Variants in TAOK3 observed in about 807,000 individuals in gnomAD.
TAOK3 encodes the protein TAO kinase 3, also known as serine/threonine-protein kinase TAO3.
Under a neutral mutation model 120.4 loss-of-function variants are expected in TAOK3, and 40 were observed. The observed-to-expected ratio is 0.33, with a 90% CI of 0.26 to 0.43. The LOEUF is 0.43. TAOK3 is among the 20% of genes least tolerant of loss of function. The probability of loss-of-function intolerance (pLI) is 1.00; values close to 1 mark genes in which losing one functional copy is unlikely to be tolerated. For missense variants in TAOK3, 821 were observed against 1,112.1 expected (o/e 0.74, Z 3.72); for synonymous variants, 355 against 387.5 (o/e 0.92, Z 0.99).
At chr12:118,244,542 T>TA (rs1338019924) in intron 4 of TAOK3, among the ~76,000 whole-genome samples, 1 of 148,858 alleles carries the variant, frequency 6.7e-6, no homozygotes, top group Non-Finnish European at 1.5e-5. Context: ...TCTTTTTTTT[T>TA]TTTTGAGACA....
chr12:118,201,589 T>C (rs1231253930), intron 11 of TAOK3, 126 bp from the exon 12 acceptor site: 1 of 771,492 alleles, frequency 1.3e-6, no homozygotes, highest in South Asian at 4.3e-5. Context: ...TAACAAAATA[T>C]GATTTTCATG....
At chr12:118,347,354 C>T (rs1483869644) in intron 1 of TAOK3, among the ~76,000 whole-genome samples, 1 of 152,128 alleles carries the variant, frequency 6.6e-6, no homozygotes, top group Non-Finnish European at 1.5e-5. Context: ...CTTCTCACTT[C>T]ATTAATGCAC....
At chr12:118,363,259 A>C (rs1235367095) in intron 1 of TAOK3, among the ~76,000 whole-genome samples, 3 of 152,126 alleles carry the variant, frequency 2.0e-5, no homozygotes, top group Non-Finnish European at 4.4e-5. Flanking sequence ...TTCTTCTCTT[A>C]GGAATGCACA....
intron 1 of TAOK3, among the ~76,000 whole-genome samples, chr12:118,315,672 T>C (rs1044580128): frequency 1.3e-5 from 2 of 152,186 alleles, no homozygotes; most frequent in Non-Finnish European, 2.9e-5. Flanking sequence ...GTTTGAAATA[T>C]TTTGTTAACA....
intron 13 of TAOK3, among the ~76,000 whole-genome samples, chr12:118,195,978 A>G (rs1413979654): frequency 6.6e-6 from 1 of 152,126 alleles, no homozygotes; most frequent in African/African-American, 2.4e-5. Flanking sequence ...TGAACGCAGG[A>G]GGCGGAGCTT....
intron 1 of TAOK3, among the ~76,000 whole-genome samples, chr12:118,362,465 G>A (rs922755510): frequency 3.3e-5 from 5 of 152,204 alleles, no homozygotes; most frequent in South Asian, 4.1e-4. Context: ...AAGTTTGCAC[G>A]TAGGAATATA....
At chr12:118,302,413 C>T (rs2042914149) in intron 1 of TAOK3, among the ~76,000 whole-genome samples, 1 of 152,198 alleles carries the variant, frequency 6.6e-6, no homozygotes, top group African/African-American at 2.4e-5. Flanking sequence ...TTGAATTTTG[C>T]TTCTGCCTCT....
intron 1 of TAOK3, among the ~76,000 whole-genome samples, chr12:118,310,052 A>T (rs2140840825): frequency 6.6e-6 from 1 of 152,248 alleles, no homozygotes; most frequent in South Asian, 2.1e-4. Flanking sequence ...AGGCAGGCAG[A>T]TCGCTTGAGC....
chr12:118,342,935 TAAAAA>T (rs760467619), intron 1 of TAOK3, among the ~76,000 whole-genome samples: 5 of 59,684 alleles, frequency 8.4e-5, no homozygotes, highest in African/African-American at 1.9e-4. Flanking sequence ...CTCTGTCTGC[TAAAAA>T]AAAAAAAAAA....
At chr12:118,276,978 C>A (rs2041924889) in intron 1 of TAOK3, among the ~76,000 whole-genome samples, 2 of 152,238 alleles carry the variant, frequency 1.3e-5, no homozygotes, top group African/African-American at 4.8e-5. Context: ...GCACTCCAGC[C>A]TGGGCAACAG....
chr12:118,326,821 C>T (rs1190159342), intron 1 of TAOK3, among the ~76,000 whole-genome samples: 6 of 152,080 alleles, frequency 3.9e-5, no homozygotes, highest in Non-Finnish European at 7.4e-5. Context: ...AACATTCCAG[C>T]GATACAAAGG....
chr12:118,352,982 T>C (rs903280603), intron 1 of TAOK3, among the ~76,000 whole-genome samples: 9 of 152,178 alleles, frequency 5.9e-5, no homozygotes, highest in South Asian at 2.1e-4. Context: ...AGTGTTGGGA[T>C]TACAGGAGTG....
chr12:118,324,122 C>A (rs1593544415), intron 1 of TAOK3, among the ~76,000 whole-genome samples: 1 of 152,032 alleles, frequency 6.6e-6, no homozygotes, highest in Non-Finnish European at 1.5e-5. Context: ...GTAAGAAAGC[C>A]AATTTCTCAT....
intron 1 of TAOK3, among the ~76,000 whole-genome samples, chr12:118,317,757 T>C (rs1481532342): frequency 2.6e-5 from 4 of 152,112 alleles, no homozygotes; most frequent in Non-Finnish European, 2.9e-5. Context: ...TGGAAAAACC[T>C]GTCCTAAAAT....
At chr12:118,250,530 T>C (rs890842121) in intron 3 of TAOK3, among the ~76,000 whole-genome samples, 2 of 152,196 alleles carry the variant, frequency 1.3e-5, no homozygotes, top group African/African-American at 2.4e-5. Context: ...CCAGCATGAC[T>C]ATGACTTATG....
chr12:118,166,814 G>GTATATATATATA (rs535817182), intron 17 of TAOK3, among the ~76,000 whole-genome samples: 1 of 138,982 alleles, frequency 7.2e-6, no homozygotes, highest in African/African-American at 2.7e-5. Flanking sequence ...GTGTGTGTGT[G>GTATATATATATA]TATATATATA....
At chr12:118,266,150 G>GA (rs962583184) in intron 2 of TAOK3, among the ~76,000 whole-genome samples, 3 of 151,668 alleles carry the variant, frequency 2.0e-5, no homozygotes, top group African/African-American at 4.8e-5. Context: ...TAACTGAGAA[G>GA]AAAAAAAATT....
chr12:118,362,304 A>G (rs532258326), intron 1 of TAOK3, among the ~76,000 whole-genome samples: 2 of 147,364 alleles, frequency 1.4e-5, no homozygotes, highest in East Asian at 2.0e-4. Context: ...AACACTAACA[A>G]TAGCTGATGG....
At chr12:118,338,523 C>T (rs1381086477) in intron 1 of TAOK3, among the ~76,000 whole-genome samples, 1 of 152,116 alleles carries the variant, frequency 6.6e-6, no homozygotes, top group Non-Finnish European at 1.5e-5. Context: ...CTTGGTGGCT[C>T]AGGCCTGTAA....
Sources: allele counts gnomAD v4.1 joint callset (sites outside exome capture counted in the v4.1 genomes callset), GRCh38; gene constraint gnomAD v4.1.1; transcripts MANE v1.5; gene names NCBI Gene and HGNC (gene_info 2026-07-23, HGNC 2026-07-21).